Variants in ALCAM observed in about 807,000 individuals in gnomAD.
ALCAM encodes the protein activated leukocyte cell adhesion molecule, also known as CD166 antigen.
Under a neutral mutation model 70.9 loss-of-function variants are expected in ALCAM, and 30 were observed. The ratio of observed to expected loss-of-function variants is 0.42; its 90% confidence interval spans 0.32 to 0.57. ALCAM has a LOEUF of 0.57. ALCAM is among the 20% of genes least tolerant of loss of function. The pLI, the probability that ALCAM is intolerant of heterozygous loss-of-function variation, is 0.11. For synonymous variants in ALCAM, 249 were observed against 242.5 expected (o/e 1.03, Z -0.25); for missense variants, 591 against 695.1 (o/e 0.85, Z 1.68).
intron 1 of ALCAM, among the ~76,000 whole-genome samples, chr3:105,487,727 T>G (rs1354440817): frequency 6.6e-6 from 1 of 152,146 alleles, no homozygotes; most frequent in African/African-American, 2.4e-5. Context: ...AAGGTAAAAC[T>G]GAGTTTTTTG....
At chr3:105,376,593 G>A (rs1935385002) in intron 1 of ALCAM, among the ~76,000 whole-genome samples, 1 of 152,200 alleles carries the variant, frequency 6.6e-6, no homozygotes, top group South Asian at 2.1e-4. Context: ...ACTCAAAGAT[G>A]TTATGTTCTC....
intron 1 of ALCAM, among the ~76,000 whole-genome samples, chr3:105,454,149 A>G (rs1414120413): frequency 1.3e-5 from 2 of 152,152 alleles, no homozygotes; most frequent in Non-Finnish European, 2.9e-5. Context: ...TTTTAAAAAT[A>G]TAATTCTGAA....
chr3:105,373,240 C>G (rs1935282815), intron 1 of ALCAM, among the ~76,000 whole-genome samples: 1 of 152,046 alleles, frequency 6.6e-6, no homozygotes, highest in Admixed American at 6.5e-5. Flanking sequence ...TTACAGTAAA[C>G]AGTGAAAACC....
intron 1 of ALCAM, among the ~76,000 whole-genome samples, chr3:105,370,431 A>G (rs2107315466): frequency 6.6e-6 from 1 of 152,300 alleles, no homozygotes; most frequent in East Asian, 1.9e-4. Context: ...CAAGTCATTT[A>G]ACCTTTTTGA....
intron 1 of ALCAM, among the ~76,000 whole-genome samples, chr3:105,415,023 A>G (rs1391839164): frequency 6.6e-6 from 1 of 152,120 alleles, no homozygotes; most frequent in Admixed American, 6.6e-5. Flanking sequence ...CAAGAGATCT[A>G]TGTCAGCCTG....
chr3:105,458,544 T>C (rs1274560956), intron 1 of ALCAM, among the ~76,000 whole-genome samples: 1 of 152,174 alleles, frequency 6.6e-6, no homozygotes, highest in Non-Finnish European at 1.5e-5. Context: ...CTTACAACTC[T>C]CCAAATACTT....
intron 1 of ALCAM, among the ~76,000 whole-genome samples, chr3:105,397,795 G>C (rs1238515391): frequency 6.6e-6 from 1 of 152,002 alleles, no homozygotes; most frequent in African/African-American, 2.4e-5. Flanking sequence ...TTGAACTTCT[G>C]TTTGATAAAT....
intron 1 of ALCAM, among the ~76,000 whole-genome samples, chr3:105,494,049 A>G (rs2152612552): frequency 7.4e-6 from 1 of 134,248 alleles, no homozygotes; most frequent in Non-Finnish European, 1.6e-5. Context: ...TAGAAAACGT[A>G]TATCTCAAAA....
chr3:105,529,885 C>T (rs1939796681), intron 3 of ALCAM, among the ~76,000 whole-genome samples: 2 of 151,966 alleles, frequency 1.3e-5, no homozygotes, highest in Non-Finnish European at 2.9e-5. Context: ...AGTATGTGCA[C>T]AACAGTCTGG....
chr3:105,403,631 A>G (rs1184722681), intron 1 of ALCAM, among the ~76,000 whole-genome samples: 1 of 152,084 alleles, frequency 6.6e-6, no homozygotes, highest in African/African-American at 2.4e-5. Context: ...TACACCAACG[A>G]AAAGGAATCA....
chr3:105,520,621 A>G (rs935383887), intron 2 of ALCAM, among the ~76,000 whole-genome samples: 22 of 152,212 alleles, frequency 1.4e-4, no homozygotes, highest in Non-Finnish European at 2.9e-5. Context: ...TCTGGCATTT[A>G]GCCTTAAAAA....
At chr3:105,505,308 G>A (rs965400158) in intron 1 of ALCAM, among the ~76,000 whole-genome samples, 6 of 152,292 alleles carry the variant, frequency 3.9e-5, no homozygotes, top group Middle Eastern at 3.4e-3. Flanking sequence ...CAATCGTGGC[G>A]GAAGGTGAAG....
At chr3:105,518,640 T>C (rs1280214975) in intron 1 of ALCAM, among the ~76,000 whole-genome samples, 2 of 151,998 alleles carry the variant, frequency 1.3e-5, no homozygotes, top group Non-Finnish European at 2.9e-5. Context: ...AATTGCAGTA[T>C]AGAGAACACA....
chr3:105,432,910 A>C (rs1001074736), intron 1 of ALCAM, among the ~76,000 whole-genome samples: 1 of 152,166 alleles, frequency 6.6e-6, no homozygotes, highest in African/African-American at 2.4e-5. Context: ...GAAACGTAAC[A>C]GGAGCATATA....
intron 1 of ALCAM, among the ~76,000 whole-genome samples, chr3:105,494,985 A>G (rs1489199155): frequency 6.6e-6 from 1 of 152,046 alleles, no homozygotes; most frequent in Non-Finnish European, 1.5e-5. Context: ...TACTCTTATG[A>G]TGCCCCCATT....
chr3:105,533,625 A>C lies in ALCAM; in HGVS notation c.482A>C (p.Asp161Ala), dbSNP rs1939898724. The change falls in exon 5 of 16, where the codon GAC (aspartate) becomes GCC (alanine). Residue 161 changes from aspartate to alanine, a missense_variant. Physicochemically the swap from Asp to Ala is moderately radical, Grantham distance 126. This residue lies in a region of ALCAM where 427 missense variants were observed against 450.4 expected (regional missense o/e 0.95). Coordinates refer to ENST00000306107, the MANE Select transcript of ALCAM (RefSeq NM_001627.4). ...LKKLGDCISE[D>A]SYPDGNITWY... Reference sequence around the variant, plus strand: ...CAGTTGGGTGACTGCATTTCAGAAGACAGTTATCCAGATGGCAATATCACA... The same window carrying C: ...CAGTTGGGTGACTGCATTTCAGAAGCCAGTTATCCAGATGGCAATATCACA... The C allele has an allele frequency of 6.2e-7, 1 of 1,611,910 alleles. No individual in the cohort carries two copies. Among genetic ancestry groups the C allele is most frequent in the Non-Finnish European group, 8.5e-7 (1 of 1,178,490 alleles).
intron 1 of ALCAM, among the ~76,000 whole-genome samples, chr3:105,456,322 C>T (rs1257034694): frequency 6.6e-6 from 1 of 152,158 alleles, no homozygotes; most frequent in African/African-American, 2.4e-5. Context: ...AGAACAGTTG[C>T]GGACTAAGCT....
intron 11 of ALCAM, among the ~76,000 whole-genome samples, chr3:105,549,892 A>G (rs1316827433): frequency 6.6e-6 from 1 of 151,444 alleles, no homozygotes; most frequent in Non-Finnish European, 1.5e-5. Flanking sequence ...GAAGAGTTTA[A>G]TTAACTTAAT....
chr3:105,401,977 G>A (rs1051780700), intron 1 of ALCAM, among the ~76,000 whole-genome samples: 8 of 147,366 alleles, frequency 5.4e-5, no homozygotes, highest in East Asian at 2.1e-4. Context: ...GATTGCAAAC[G>A]ACTGCTTGAA....
Sources: allele counts gnomAD v4.1 joint callset (sites outside exome capture counted in the v4.1 genomes callset), GRCh38; gene constraint gnomAD v4.1.1; regional missense constraint gnomAD v4.1.1; transcripts MANE v1.5; gene names NCBI Gene and HGNC (gene_info 2026-07-23, HGNC 2026-07-21).